The following ANO4 variants were observed in gnomAD, a reference collection of about 807,000 sequenced individuals.
ANO4 encodes the protein anoctamin 4.
Under a neutral mutation model 141.9 loss-of-function variants are expected in ANO4, and 69 were observed. That is an observed-to-expected ratio of 0.49 (90% CI 0.40 to 0.59). ANO4 has a LOEUF of 0.59. Ranked by LOEUF, ANO4 falls within the 20% of genes least tolerant of loss-of-function variation. ANO4 has a pLI of 0.00. For synonymous variants in ANO4, 350 were observed against 394.3 expected (o/e 0.89, Z 1.33); for missense variants, 894 against 1,162.2 (o/e 0.77, Z 3.36).
intron 14 of ANO4, among the ~76,000 whole-genome samples, chr12:101,071,544 T>C (rs558633993): frequency 5.8e-4 from 87 of 150,056 alleles, no homozygotes; most frequent in African/African-American, 2.1e-3. Context: ...GGAAAGATAG[T>C]GTGGTTGGGG....
chr12:101,125,338 G>A (rs989035508), intron 26 of ANO4, among the ~76,000 whole-genome samples: 1 of 152,120 alleles, frequency 6.6e-6, no homozygotes, highest in African/African-American at 2.4e-5. Context: ...CTCTGCTGAA[G>A]TTGCTTATCA....
chr12:101,055,593 G>GT, intron 14 of ANO4, among the ~76,000 whole-genome samples: 1 of 152,112 alleles, frequency 6.6e-6, no homozygotes, highest in East Asian at 1.9e-4. Context: ...TCTTACAGGT[G>GT]TTTGCAAATT....
At chr12:100,717,454 G>A, upstream of ANO4, 1 of 396,708 alleles carries the variant, frequency 2.5e-6, no homozygotes, top group Non-Finnish European at 4.4e-6. Flanking sequence ...GGGCCGGGCC[G>A]TCCAGGGGCG....
rs572432778 is a variant in ANO4 at position 100,958,543 on chromosome 12, A to G, written c.457-12763A>G. Reference sequence around the variant, plus strand: ...ATAATAAATAAGTAAATAATACAGTATGTTAGAAGGTGATAAATAGAGGGC... The same window carrying G: ...ATAATAAATAAGTAAATAATACAGTGTGTTAGAAGGTGATAAATAGAGGGC... On this transcript the variant is annotated intron_variant, in intron 5 of 27. Transcript: ENST00000392977. 2.0e-5 allele frequency among the ~76,000 whole-genome samples: 3 copies of G among 152,312 alleles called. No individual in the cohort carries two copies. In the East Asian group the frequency reaches 5.8e-4, roughly 29 times the overall value.
intron 22 of ANO4, 107 bp from the exon 23 acceptor site, chr12:101,110,297 T>C: frequency 8.3e-7 from 1 of 1,205,992 alleles, no homozygotes; most frequent in Non-Finnish European, 1.1e-6. Context: ...TGCGTCTGTA[T>C]TGGGAAAAAT....
At chr12:100,779,828 G>T (rs545235860) in intron 3 of ANO4, among the ~76,000 whole-genome samples, 88 of 152,234 alleles carry the variant, frequency 5.8e-4, no homozygotes, top group African/African-American at 2.0e-3. Flanking sequence ...TTGCCATGTA[G>T]GCTGTAGATA....
chr12:100,842,254 T>C (rs1019349085), intron 1 of ANO4: 1 of 152,088 alleles, frequency 6.6e-6, no homozygotes, highest in African/African-American at 2.4e-5. Context: ...GCTACTCTTA[T>C]ATTTCATTCT....
chr12:100,962,478 C>G lies in ANO4; in HGVS notation c.457-8828C>G, dbSNP rs538375844. Among the ~76,000 whole-genome samples, 2 of 152,298 alleles carry G rather than the reference C, an allele frequency of 1.3e-5. 1 individual carries two copies. The highest frequency in any genetic ancestry group is 4.1e-4 in the South Asian group (2 of 4,828). ...GCTTCAAGCAACCTATGTTTATGCT[C>G]CCACAGTCTCTGTGGGTCAGGAGTC... is the stretch of plus-strand genomic sequence containing the variant. On this transcript the variant is annotated intron_variant, in intron 5 of 27. Coordinates refer to ENST00000392977, the MANE Select transcript of ANO4 (RefSeq NM_001286615.2).
chr12:100,938,041 TG>T (rs1312778825), intron 3 of ANO4, among the ~76,000 whole-genome samples: 1 of 152,190 alleles, frequency 6.6e-6, no homozygotes, highest in Non-Finnish European at 1.5e-5. Context: ...AGATCACCTT[TG>T]GGGGGGTCAT....
chr12:100,851,470 C>G (rs2135851682), intron 1 of ANO4, among the ~76,000 whole-genome samples: 1 of 152,168 alleles, frequency 6.6e-6, no homozygotes, highest in South Asian at 2.1e-4. Flanking sequence ...CCAGGAAATT[C>G]CAGCTTTTTT....
rs752370533 is a variant in ANO4 at position 100,901,727 on chromosome 12, G to T, written c.-59G>T. ...AGTGTGGCAAGCCGCCCAGCGTCAC[G>T]TCGTCGCCTGCCTGTGGTCAGGCAT... On this transcript the variant is annotated 5_prime_UTR_variant, in exon 2 of 28. Transcript: ENST00000392977. The T allele has an allele frequency of 6.6e-7, 1 of 1,516,210 alleles. No homozygotes were observed. The allele number at this position is 1,516,210 out of a possible 1,614,324, so 93.9% of individuals were successfully genotyped here.
At chr12:100,942,610 GCA>G in intron 5 of ANO4, 75 bp downstream of exon 5, 1 of 1,476,534 alleles carries the variant, frequency 6.8e-7, no homozygotes, top group Non-Finnish European at 9.1e-7. Context: ...AAATAAGCAA[GCA>G]GTCTTAATGT....
At chr12:100,772,703 A>G (rs2033349629) in intron 3 of ANO4, among the ~76,000 whole-genome samples, 2 of 152,222 alleles carry the variant, frequency 1.3e-5, no homozygotes. Context: ...CAAAGGAAAA[A>G]TCATATTGCC....
chr12:101,019,134 A>T (rs2136485361), intron 8 of ANO4, among the ~76,000 whole-genome samples: 1 of 152,298 alleles, frequency 6.6e-6, no homozygotes, highest in African/African-American at 2.4e-5. Flanking sequence ...CTACATTTAT[A>T]TGCCTTTGCA....
intron 3 of ANO4, among the ~76,000 whole-genome samples, chr12:100,750,521 C>G (rs539977384): frequency 6.6e-6 from 1 of 152,098 alleles, no homozygotes. Flanking sequence ...GTACAAGACA[C>G]AGGTAACAAA....
intron 3 of ANO4, among the ~76,000 whole-genome samples, chr12:100,763,424 A>T (rs566231211): frequency 6.6e-6 from 1 of 152,364 alleles, no homozygotes; most frequent in Non-Finnish European, 1.5e-5. Context: ...ATGGACACAT[A>T]TTTCACACTA....
intron 5 of ANO4, among the ~76,000 whole-genome samples, chr12:100,950,555 A>T (rs1349075063): frequency 1.3e-5 from 2 of 152,130 alleles, no homozygotes; most frequent in Non-Finnish European, 2.9e-5. Flanking sequence ...CAAGTTGTTG[A>T]TGGGTGGGGC....
chr12:100,827,110 C>T (rs2036390731), intron 1 of ANO4, among the ~76,000 whole-genome samples: 1 of 152,040 alleles, frequency 6.6e-6, no homozygotes, highest in South Asian at 2.1e-4. Context: ...GCTGAAAATC[C>T]TCTGATGGCT....
At position 101,099,578 on chromosome 12, in the gene ANO4, G is replaced by T. The variant is rs1222273664; in HGVS notation, c.2007G>T (p.Pro669=). ...TWNNFMELGY[P]LIQNWWTRRK... ...GTAAGAAATTGATCTTTTTGCCCAG[G>T]TTAATTCAGAATTGGTGGACTAGAA... The change falls in exon 22 of 28, where the codon CCG becomes CCT. Residue 669 remains proline, a splice_region_variant and synonymous_variant. Transcript: ENST00000392977. 1 of 1,593,554 alleles carries T rather than the reference G, an allele frequency of 6.3e-7. No homozygotes were observed. The highest frequency in any genetic ancestry group is 8.5e-7 in the Non-Finnish European group (1 of 1,174,462).
Sources: gnomAD v4.1 joint callset for allele counts (sites outside exome capture counted in the v4.1 genomes callset) on GRCh38, gnomAD v4.1.1 for gene constraint, MANE v1.5 for transcripts, NCBI Gene and HGNC (gene_info 2026-07-23, HGNC 2026-07-21) for gene names.